SPTA1: variants seen among roughly 807,000 people sequenced by gnomAD.
SPTA1 encodes spectrin alpha, erythrocytic 1.
A neutral mutation model predicts 324.7 loss-of-function variants in SPTA1; 177 were observed. That is an observed-to-expected ratio of 0.55 (90% CI 0.48 to 0.62). The LOEUF (loss-of-function observed/expected upper bound fraction) is 0.62, where lower values mean the gene tolerates loss of function less well. SPTA1 is among the 20% of genes least tolerant of loss of function. SPTA1 has a pLI of 0.00. For synonymous variants in SPTA1, 1,195 were observed against 1,041.3 expected (o/e 1.15, Z -2.84); for missense variants, 3,162 against 2,883.6 (o/e 1.10, Z -2.21).
intron 5 of SPTA1, 144 bp from the exon 6 acceptor site, chr1:158,678,678 G>A (rs1036564542): frequency 1.9e-6 from 2 of 1,041,266 alleles, no homozygotes; most frequent in East Asian, 5.2e-5. Context: ...CTTCATCATA[G>A]CCCTCCTCCC....
At chr1:158,643,176 AAGTC>A in intron 31 of SPTA1, 142 bp downstream of exon 31, 1 of 1,215,574 alleles carries the variant, frequency 8.2e-7, no homozygotes, top group Non-Finnish European at 1.2e-6. Flanking sequence ...CTATAAATCT[AAGTC>A]AGAAAGTCTG....
Position 158,671,298 on chromosome 1 carries a change from T to TGC in SPTA1, c.1599+44_1599+45insGC, listed in dbSNP as rs748690623. ...GGGACAGGTATTGTGTAAAATTATGTATACAGAGAGGGAGCCAATGCCCAA... is the reference window on the plus strand; with the variant it reads ...GGGACAGGTATTGTGTAAAATTATGTGCATACAGAGAGGGAGCCAATGCCCAA... On this transcript the variant is annotated intron_variant, in intron 12 of 51. Coordinates refer to ENST00000643759, the MANE Select transcript of SPTA1 (RefSeq NM_003126.4). 674 of 1,395,388 alleles carry TGC rather than the reference T, an allele frequency of 4.8e-4. 4 individuals carry two copies. Among genetic ancestry groups the TGC allele is most frequent in the South Asian group, 2.4e-3 (203 of 85,328 alleles). 86.4% of individuals were successfully genotyped at this position (1,395,388 alleles called of 1,614,324 possible).
chr1:158,620,081 T>A, intron 44 of SPTA1, 89 bp downstream of exon 44: 2 of 1,487,546 alleles, frequency 1.3e-6, no homozygotes, highest in Non-Finnish European at 1.9e-6. Flanking sequence ...TTAATAGTGT[T>A]CCTTCTATGT....
At chr1:158,640,578 A>T (rs1457913612) in intron 33 of SPTA1, among the ~76,000 whole-genome samples, 1 of 152,286 alleles carries the variant, frequency 6.6e-6, no homozygotes, top group African/African-American at 2.4e-5. Context: ...AATTGCTTCA[A>T]AGAGAATAAA....
intron 40 of SPTA1, 31 bp from the exon 41 acceptor site, chr1:158,627,038 T>A: frequency 3.7e-6 from 6 of 1,612,684 alleles, no homozygotes; most frequent in Non-Finnish European, 5.1e-6. Flanking sequence ...AATATATTTA[T>A]AATGTGCAGG....
chr1:158,622,030 A>G (rs1427806235), intron 43 of SPTA1, among the ~76,000 whole-genome samples: 1 of 152,058 alleles, frequency 6.6e-6, no homozygotes, highest in East Asian at 1.9e-4. Context: ...ACGCCCGGCT[A>G]ATTTTTTGTA....
intron 10 of SPTA1, among the ~76,000 whole-genome samples, chr1:158,673,226 A>C (rs1350531172): frequency 1.3e-5 from 2 of 152,152 alleles, no homozygotes; most frequent in African/African-American, 2.4e-5. Context: ...GTTAAAATAA[A>C]AAAAAACTAT....
At position 158,639,706 on chromosome 1, in the gene SPTA1, C is replaced by T; in HGVS notation, c.4876-20G>A. ...CTCTGCCTGGAAATAGAGAAATAAGCAATAAAGCTGCCAGGTGAAACTGCC... is the reference window on the plus strand; with the variant it reads ...CTCTGCCTGGAAATAGAGAAATAAGTAATAAAGCTGCCAGGTGAAACTGCC... On this transcript the variant is annotated intron_variant, in intron 34 of 51. Coordinates refer to ENST00000643759, the MANE Select transcript of SPTA1 (RefSeq NM_003126.4). 3 of 1,613,500 alleles carry T rather than the reference C, an allele frequency of 1.9e-6. No homozygotes were observed. Among genetic ancestry groups the T allele is most frequent in the Non-Finnish European group, 2.5e-6 (3 of 1,179,818 alleles).
chr1:158,681,343 A>G (rs1654793941), intron 4 of SPTA1, among the ~76,000 whole-genome samples, 184 bp downstream of exon 4: 1 of 152,092 alleles, frequency 6.6e-6, no homozygotes, highest in Admixed American at 6.6e-5. Flanking sequence ...GTTAAGACTT[A>G]CTTCCATACA....
At chr1:158,630,286 C>T (rs1308108942) in intron 39 of SPTA1, among the ~76,000 whole-genome samples, 1 of 151,864 alleles carries the variant, frequency 6.6e-6, no homozygotes, top group African/African-American at 2.4e-5. Flanking sequence ...ATGGTACTGG[C>T]ATAAAAACAG....
intron 24 of SPTA1, among the ~76,000 whole-genome samples, chr1:158,650,745 G>A (rs1652364145): frequency 6.6e-6 from 1 of 152,178 alleles, no homozygotes. Flanking sequence ...TTTTAGATCA[G>A]TTCAAATGTA....
In SPTA1 at chr1:158,685,366, C is replaced by T; in HGVS notation, c.25-19G>A. 6.2e-7 allele frequency: 1 copy of T among 1,611,746 alleles called. No homozygotes were observed. The highest frequency in any genetic ancestry group is 1.7e-4 in the Middle Eastern group (1 of 6,060). ...CCACAACCTGCAAGTTAAAAAGATT[C>T]TGTTACTTGCTAGTTCTCAAATATT... On this transcript the variant is annotated intron_variant, in intron 1 of 51. Coordinates refer to ENST00000643759, the MANE Select transcript of SPTA1 (RefSeq NM_003126.4).
intron 39 of SPTA1, among the ~76,000 whole-genome samples, chr1:158,630,515 A>G (rs756286929): frequency 1.5e-4 from 23 of 152,140 alleles, no homozygotes; most frequent in Non-Finnish European, 2.6e-4. Flanking sequence ...CTTAAATGTA[A>G]GTCTTGAAAC....
Position 158,656,563 on chromosome 1 carries a change from C to G in SPTA1, c.2898+1G>C. The stretch of plus-strand genomic sequence containing the variant: ...TCCTGTCATCGCTAAGTTAGTCTTA[C>G]CTGGCAGGCGTTTGCCTGATTCCGC... On this transcript the variant is annotated splice_donor_variant, in intron 20 of 51. Coordinates refer to ENST00000643759, the MANE Select transcript of SPTA1 (RefSeq NM_003126.4). LOFTEE classifies it high-confidence loss of function. 1 of 1,613,016 alleles carries G rather than the reference C, an allele frequency of 6.2e-7. No individual in the cohort carries two copies. Among genetic ancestry groups the G allele is most frequent in the Non-Finnish European group, 8.5e-7 (1 of 1,179,218 alleles).
chr1:158,673,638 G>A (rs183621019), intron 10 of SPTA1, among the ~76,000 whole-genome samples: 249 of 152,290 alleles, frequency 1.6e-3, no homozygotes, highest in African/African-American at 5.7e-3. Context: ...AGGCACTGTG[G>A]GGAACCCAGA....
At position 158,657,463 on chromosome 1, in the gene SPTA1, C is replaced by A; in HGVS notation, c.2805+14G>T. On this transcript the variant is annotated intron_variant, in intron 19 of 51. Coordinates refer to ENST00000643759, the MANE Select transcript of SPTA1 (RefSeq NM_003126.4). ...TGTTGAGGATTCACAATGTTAAACC[C>A]ACCCCCACCTTACCCCAGCTGCTTC... The A allele has an allele frequency of 6.7e-7, 1 of 1,495,850 alleles. No homozygotes were observed. Among genetic ancestry groups the A allele is most frequent in the South Asian group, 1.1e-5 (1 of 88,716 alleles). The allele number at this position is 1,495,850 out of a possible 1,614,324, so 92.7% of individuals were successfully genotyped here.
chr1:158,615,289 C>A lies in SPTA1; in HGVS notation c.6715G>T (p.Ala2239Ser), dbSNP rs1484526213. ...TGGTAGAGCTGGTCCCACTGCTGAGCCAATCCAATGGTGCTGTATTTGATA... is the reference window on the plus strand; with the variant it reads ...TGGTAGAGCTGGTCCCACTGCTGAGACAATCCAATGGTGCTGTATTTGATA... ...LDIKYSTIGL[A>S]QQWDQLYQLG... Residue 2239 changes from alanine to serine, a missense_variant, in exon 48 of 52, where the codon GCT (alanine) becomes TCT (serine). Coordinates refer to ENST00000643759, the MANE Select transcript of SPTA1 (RefSeq NM_003126.4). 6.2e-7 allele frequency: 1 copy of A among 1,614,034 alleles called. No homozygotes were observed. The highest frequency in any genetic ancestry group is 8.5e-7 in the Non-Finnish European group (1 of 1,180,024).
Position 158,681,652 on chromosome 1 carries a change from G to C in SPTA1, c.406C>G (p.Leu136Val), listed in dbSNP as rs1483132195. ...AACAGCAGGTCCCACAGGTGGCGTA[G>C]CTCCTCTATATGGGCCTTTAGGAAA... ...HEETKAHIEE[L>V]RHLWDLLLEL... The change falls in exon 4 of 52, where the codon CTA becomes GTA. Residue 136 changes from leucine (L) to valine (V), a missense_variant. Leu to Val is a conservative substitution (Grantham distance 32). Transcript: ENST00000643759. 1 of 1,613,520 alleles carries C rather than the reference G, an allele frequency of 6.2e-7. No individual in the cohort carries two copies. The highest frequency in any genetic ancestry group is 8.5e-7 in the Non-Finnish European group (1 of 1,179,756).
chr1:158,647,423 T>G, intron 27 of SPTA1, 116 bp downstream of exon 27: 13 of 1,298,038 alleles, frequency 1.0e-5, no homozygotes, highest in South Asian at 1.2e-5. Context: ...TTGCAAGAGG[T>G]GAGACTTAAA....
Sources: allele counts gnomAD v4.1 joint callset (sites outside exome capture counted in the v4.1 genomes callset), GRCh38; gene constraint gnomAD v4.1.1; transcripts MANE v1.5; gene names NCBI Gene and HGNC (gene_info 2026-07-23, HGNC 2026-07-21).